Variants in SOCS2 observed in about 807,000 individuals in gnomAD.
SOCS2 encodes the protein CIS-2.
SOCS2 carries 10 observed loss-of-function variants against 18.6 expected under a neutral mutation model. The ratio of observed to expected loss-of-function variants is 0.54; its 90% CI spans 0.33 to 0.91. The LOEUF (loss-of-function observed/expected upper bound fraction) is 0.91. Among genes scored for constraint, SOCS2 ranks in the 40% least tolerant of loss-of-function variants. The pLI is 0.02. For synonymous variants in SOCS2, 104 were observed against 104.0 expected, an observed-to-expected ratio of 1.00 and a Z score of 0.00; for missense variants, 231 against 247.2, an observed-to-expected ratio of 0.93 and a Z score of 0.44.
chr12:93,580,728 A>G (rs1954528513), downstream of SOCS2, among the ~76,000 whole-genome samples: 1 of 151,758 alleles, frequency 6.6e-6, no homozygotes. Flanking sequence ...TGCCATCTTG[A>G]TGAACTTGAC....
downstream of SOCS2, among the ~76,000 whole-genome samples, chr12:93,580,365 C>T (rs1320423701): frequency 3.3e-5 from 5 of 152,032 alleles, no homozygotes; most frequent in African/African-American, 1.2e-4. Context: ...CTCATGCCTG[C>T]AATCCCAGCA....
upstream of SOCS2, chr12:93,570,994 C>G (rs1178065256): frequency 6.5e-6 from 1 of 153,718 alleles, no homozygotes; most frequent in Non-Finnish European, 1.5e-5. Flanking sequence ...GGAGGCGCGT[C>G]GGTCTGGGAA....
At chr12:93,613,701 A>T in the SOCS2 span, among the ~76,000 whole-genome samples, 1 of 152,210 alleles carries the variant, frequency 6.6e-6, no homozygotes, top group Non-Finnish European at 1.5e-5. Flanking sequence ...ATAGTTAACA[A>T]TTGAGTACTC....
chr12:93,574,604 T>C, intron 1 of SOCS2, 118 bp from the exon 2 acceptor site: 1 of 470,276 alleles, frequency 2.1e-6, no homozygotes, highest in Non-Finnish European at 3.1e-6. Flanking sequence ...CACACCACCT[T>C]TTTTTTTTTT....
At chr12:93,614,609 TTC>T in the SOCS2 span, among the ~76,000 whole-genome samples, 3 of 126,530 alleles carry the variant, frequency 2.4e-5, no homozygotes, top group Non-Finnish European at 3.2e-5. Context: ...CTTTCTTTCT[TTC>T]TTTCTTTCTT....
downstream of SOCS2, among the ~76,000 whole-genome samples, chr12:93,584,766 C>T (rs1208648079): frequency 1.3e-5 from 2 of 151,834 alleles, no homozygotes; most frequent in African/African-American, 4.8e-5. Flanking sequence ...CTTTTCTTCC[C>T]TTCTTTTTTT....
chr12:93,574,186 T>C (rs1954374769), intron 1 of SOCS2: 1 of 150,430 alleles, frequency 6.6e-6, no homozygotes, highest in Non-Finnish European at 1.5e-5. Flanking sequence ...AGGCTGTTCA[T>C]AGCAGGCTTT....
the SOCS2 span, among the ~76,000 whole-genome samples, chr12:93,609,659 T>C: frequency 6.6e-6 from 1 of 152,120 alleles, no homozygotes; most frequent in Non-Finnish European, 1.5e-5. Context: ...ATTCAAACAC[T>C]TGAGCTGTAA....
downstream of SOCS2, among the ~76,000 whole-genome samples, chr12:93,580,712 C>T (rs1357450179): frequency 6.6e-6 from 1 of 151,832 alleles, no homozygotes; most frequent in Non-Finnish European, 1.5e-5. Flanking sequence ...TTTTAACATT[C>T]CCCCTTGCCA....
At chr12:93,609,915 A>T in the SOCS2 span, among the ~76,000 whole-genome samples, 5 of 152,190 alleles carry the variant, frequency 3.3e-5, no homozygotes, top group Non-Finnish European at 7.4e-5. Flanking sequence ...TTCTTGCAGT[A>T]TCATCCCATG....
Position 93,573,188 on chromosome 12 carries a change from G to T in SOCS2, c.139+152G>T, listed in dbSNP as rs987759400. On this transcript the variant is annotated intron_variant, in intron 1 of 1. Transcript: ENST00000551556. ...CGGAGAGCACGCTCGCAGGGTCCTG[G>T]GTCCTTGGGAATGCGTAAGGAAAGT... 4.9e-6 allele frequency: 5 copies of T among 1,015,332 alleles called. No homozygotes were observed. In the African/African-American group the frequency reaches 8.1e-5, roughly 16 times the overall value. The allele number at this position is 1,015,332 out of a possible 1,614,324, so 62.9% of individuals were successfully genotyped here.
At chr12:93,622,265 C>T in the SOCS2 span, among the ~76,000 whole-genome samples, 2 of 152,174 alleles carry the variant, frequency 1.3e-5, no homozygotes, top group Admixed American at 1.3e-4. Flanking sequence ...GGGATGATGT[C>T]AGTGGTGAGT....
the SOCS2 span, among the ~76,000 whole-genome samples, chr12:93,590,070 G>A: frequency 2.0e-5 from 3 of 151,930 alleles, no homozygotes; most frequent in Non-Finnish European, 4.4e-5. Context: ...TGACCAACAC[G>A]ATGAAACTCC....
In SOCS2 at chr12:93,572,918, G is replaced by T. The variant is rs1954307122; in HGVS notation, c.21G>T (p.Glu7Asp). 4.4e-6 allele frequency: 7 copies of T among 1,581,440 alleles called. No individual in the cohort carries two copies. The East Asian group carries it at 1.4e-4, about 31-fold the overall frequency. The stretch of plus-strand genomic sequence containing the variant: ...CTCTCATGACCCTGCGGTGCCTTGA[G>T]CCCTCCGGGAATGGCGGGGAAGGGA... MTLRCL[E>D]PSGNGGEGTR... The change falls in exon 1 of 2, where the codon GAG becomes GAT. Residue 7 changes from glutamate to aspartate, a missense_variant. Transcript: ENST00000551556. The surrounding 1 kb of genome is among the most constrained non-coding windows in gnomAD (Gnocchi z 5.0).
At chr12:93,605,018 A>G in the SOCS2 span, among the ~76,000 whole-genome samples, 1 of 151,890 alleles carries the variant, frequency 6.6e-6, no homozygotes, top group African/African-American at 2.4e-5. Flanking sequence ...ATTTTTAGGA[A>G]ATAAGCAGCC....
the SOCS2 span, among the ~76,000 whole-genome samples, chr12:93,600,095 T>C: frequency 1.3e-5 from 2 of 152,208 alleles, no homozygotes; most frequent in Admixed American, 6.5e-5. Context: ...GTCATAAATA[T>C]ATTCAAGTTG....
At chr12:93,591,993 C>T in the SOCS2 span, among the ~76,000 whole-genome samples, 1 of 152,108 alleles carries the variant, frequency 6.6e-6, no homozygotes, top group Non-Finnish European at 1.5e-5. Context: ...TTCTTAGGAG[C>T]TAGTTTTTCA....
downstream of SOCS2, among the ~76,000 whole-genome samples, chr12:93,577,670 T>C (rs1249235769): frequency 6.6e-6 from 1 of 152,206 alleles, no homozygotes; most frequent in Non-Finnish European, 1.5e-5. Context: ...TGGAAAAGTA[T>C]AGATACCTTA....
the SOCS2 span, among the ~76,000 whole-genome samples, chr12:93,620,602 C>G: frequency 6.1e-4 from 93 of 151,858 alleles, 3 homozygotes; most frequent in Non-Finnish European, 8.8e-5. Context: ...TTAGTAGAGT[C>G]AGGGTTTTGC....
Sources: gnomAD v4.1 joint callset for allele counts (sites outside exome capture counted in the v4.1 genomes callset) on GRCh38, gnomAD v4.1.1 for gene constraint, Gnocchi (gnomAD v3.1) non-coding constraint, MANE v1.5 for transcripts, NCBI Gene and HGNC (gene_info 2026-07-23, HGNC 2026-07-21) for gene names.